Variants in NFYB observed in about 807,000 individuals in gnomAD.
The protein encoded by NFYB is nuclear transcription factor Y subunit beta.
NFYB carries 13 observed loss-of-function variants against 28.0 expected under a neutral mutation model. The observed-to-expected ratio is 0.46, with a 90% CI of 0.30 to 0.74. The LOEUF (loss-of-function observed/expected upper bound fraction) is 0.74. Among genes scored for constraint, NFYB ranks in the 30% least tolerant of loss-of-function variants. The pLI is 0.07. For missense variants in NFYB, 142 were observed against 247.6 expected (o/e 0.57, Z 2.86); for synonymous variants, 74 against 75.0 (o/e 0.99, Z 0.07).
rs1178174998 is a variant in NFYB at position 104,123,366 on chromosome 12, T to A, written c.289A>T (p.Ile97Leu). ...QECVSEFISF[I>L]TSEASERCHQ... is the part of the protein sequence containing the mutation. ...CACCTTTCACTTGCTTCAGATGTTA[T>A]AAAACTGATGAACTCACTTACACAT... Residue 97 changes from isoleucine to leucine, a missense_variant, in exon 5 of 8, where the codon ATA (isoleucine) becomes TTA (leucine). Physicochemically the swap from Ile to Leu is conservative, Grantham distance 5 (BLOSUM62 2). Around this residue, in one of 2 missense-constraint regions of NFYB, gnomAD observed 88 missense variants for 189.5 expected, o/e 0.46. Coordinates refer to ENST00000240055, the MANE Select transcript of NFYB (RefSeq NM_006166.4). 1 of 1,614,138 alleles carries A rather than the reference T, an allele frequency of 6.2e-7. No homozygotes were observed. Among genetic ancestry groups the A allele is most frequent in the Admixed American group, 1.7e-5 (1 of 60,014 alleles).
intron 3 of NFYB, among the ~76,000 whole-genome samples, chr12:104,127,355 T>C (rs922418206): frequency 2.0e-5 from 3 of 152,018 alleles, no homozygotes; most frequent in Non-Finnish European, 2.9e-5. Flanking sequence ...GCAGATCATC[T>C]GAGGTCACGA....
At position 104,135,491 on chromosome 12, in the gene NFYB, G is replaced by A. The variant is rs1271517157; in HGVS notation, c.-38C>T. On this transcript the variant is annotated 5_prime_UTR_variant, in exon 2 of 8. Transcript: ENST00000240055. The stretch of plus-strand genomic sequence containing the variant: ...GAACCGTGTTGTCAGTGGTGCTGAA[G>A]AACACCTATCTAAAAAGGTGTCTAA... 3 of 1,558,238 alleles carry A rather than the reference G, an allele frequency of 1.9e-6. No homozygotes were observed. The highest frequency in any genetic ancestry group is 2.4e-5 in the East Asian group (1 of 41,288).
chr12:104,120,521 T>C (rs1339210092), intron 6 of NFYB, 42 bp from the exon 7 acceptor site: 8 of 1,361,162 alleles, frequency 5.9e-6, no homozygotes, highest in Non-Finnish European at 8.4e-6. Context: ...ATGAACTATA[T>C]CTACTTTCTT....
chr12:104,120,104 G>A (rs1404176873), intron 7 of NFYB, among the ~76,000 whole-genome samples: 1 of 151,832 alleles, frequency 6.6e-6, no homozygotes, highest in Non-Finnish European at 1.5e-5. Flanking sequence ...TGCCCAGGCT[G>A]GAGTGCAGTG....
At chr12:104,129,594 A>T (rs2030848155) in intron 2 of NFYB, among the ~76,000 whole-genome samples, 1 of 152,078 alleles carries the variant, frequency 6.6e-6, no homozygotes, top group Non-Finnish European at 1.5e-5. Context: ...CCCCCTGCCA[A>T]ATCAGGGCCA....
chr12:104,123,086 G>C, intron 5 of NFYB, 140 bp downstream of exon 5: 1 of 626,742 alleles, frequency 1.6e-6, no homozygotes, highest in Non-Finnish European at 2.8e-6. Context: ...TGAGGCAGGA[G>C]AGTTGCTTGA....
chr12:104,124,231 T>G (rs1220840851), intron 4 of NFYB, among the ~76,000 whole-genome samples: 1 of 152,238 alleles, frequency 6.6e-6, no homozygotes, highest in African/African-American at 2.4e-5. Flanking sequence ...TACGGTGACT[T>G]TGACTTTTTT....
intron 2 of NFYB, among the ~76,000 whole-genome samples, chr12:104,132,913 G>A (rs1044459106): frequency 2.0e-5 from 3 of 152,186 alleles, no homozygotes; most frequent in East Asian, 1.9e-4. Context: ...GTGATGAATC[G>A]TTAGACTCAA....
At chr12:104,135,199 AACAG>A (rs1476294382) in intron 2 of NFYB, among the ~76,000 whole-genome samples, 2 of 152,234 alleles carry the variant, frequency 1.3e-5, no homozygotes, top group African/African-American at 4.8e-5. Context: ...TAATTGGCTA[AACAG>A]ACAGCCCCTT....
chr12:104,128,169 T>C (rs2030789987), intron 3 of NFYB, among the ~76,000 whole-genome samples: 2 of 152,232 alleles, frequency 1.3e-5, no homozygotes, highest in Admixed American at 1.3e-4. Context: ...CGATAACAAA[T>C]TTTAAAAGAA....
At chr12:104,120,370 T>C in intron 7 of NFYB, 30 bp downstream of exon 7, 1 of 1,581,706 alleles carries the variant, frequency 6.3e-7, no homozygotes, top group South Asian at 1.1e-5. Context: ...AATCAAATTT[T>C]TTAAGCATTT....
chr12:104,123,449 A>C (rs761327026), intron 4 of NFYB, 26 bp from the exon 5 acceptor site: 1 of 1,599,602 alleles, frequency 6.3e-7, no homozygotes, highest in South Asian at 1.1e-5. Context: ...TAGGTAAATT[A>C]CAGAAACTAT....
intron 2 of NFYB, chr12:104,131,081 C>T (rs2030905630): frequency 6.6e-6 from 1 of 152,124 alleles, no homozygotes; most frequent in South Asian, 2.1e-4. Context: ...ATAACACAAA[C>T]AAAAGTATTA....
chr12:104,119,129 C>T lies in NFYB; in HGVS notation c.*608G>A, dbSNP rs971365829. 1.3e-5 allele frequency: 2 copies of T among 152,514 alleles called. No individual in the cohort carries two copies. Among genetic ancestry groups the T allele is most frequent in the African/African-American group, 4.8e-5 (2 of 41,418 alleles). The allele number at this position is 152,514 out of a possible 1,614,324, so 9.4% of individuals were successfully genotyped here. ...TGGGCACCAAGTTTAACAGGGCAGA[C>T]AATATTTGCTTCTGCATTCACACTT... On this transcript the variant is annotated 3_prime_UTR_variant, in exon 8 of 8. Coordinates refer to ENST00000240055, the MANE Select transcript of NFYB (RefSeq NM_006166.4).
chr12:104,120,211 C>T (rs1291372413), intron 7 of NFYB, among the ~76,000 whole-genome samples, 189 bp downstream of exon 7: 1 of 151,896 alleles, frequency 6.6e-6, no homozygotes, highest in Non-Finnish European at 1.5e-5. Flanking sequence ...CACGCCATGA[C>T]GCCCAGCTAA....
At position 104,117,992 on chromosome 12, in the gene NFYB, G is replaced by A. The variant is rs1048530661; in HGVS notation, c.*1745C>T. ...GTGCTGTTTATAACTGTGAAAAGAT[G>A]TAAATAGTCAAAATATCCAATAGAA... On this transcript the variant is annotated 3_prime_UTR_variant, in exon 8 of 8. Transcript: ENST00000240055. 2 of 152,188 alleles carry A rather than the reference G, an allele frequency of 1.3e-5. No individual in the cohort carries two copies. The highest frequency in any genetic ancestry group is 4.8e-5 in the African/African-American group (2 of 41,436). 9.4% of individuals were successfully genotyped at this position (152,188 alleles called of 1,614,324 possible).
intron 1 of NFYB, among the ~76,000 whole-genome samples, chr12:104,137,209 C>T (rs933769207): frequency 6.6e-6 from 1 of 152,132 alleles, no homozygotes; most frequent in African/African-American, 2.4e-5. Context: ...GCTACCTAAC[C>T]TTGTTTAAAT....
intron 3 of NFYB, among the ~76,000 whole-genome samples, chr12:104,127,663 CTTTTTT>C (rs71069719): frequency 1.3e-4 from 12 of 92,900 alleles, no homozygotes; most frequent in Non-Finnish European, 1.8e-4. Flanking sequence ...ATAACACTGC[CTTTTTT>C]TTTTTTTTTT....
At chr12:104,123,786 C>T (rs2030574710) in intron 4 of NFYB, among the ~76,000 whole-genome samples, 1 of 152,064 alleles carries the variant, frequency 6.6e-6, no homozygotes, top group Non-Finnish European at 1.5e-5. Flanking sequence ...ATGGCGAAAC[C>T]CCATCTCTAC....
Sources: allele counts gnomAD v4.1 joint callset (sites outside exome capture counted in the v4.1 genomes callset), GRCh38; gene constraint gnomAD v4.1.1; regional missense constraint gnomAD v4.1.1; transcripts MANE v1.5; gene names NCBI Gene and HGNC (gene_info 2026-07-23, HGNC 2026-07-21).